The following SLC35F1 variants were observed in gnomAD, a reference collection of about 807,000 sequenced individuals.
The protein encoded by SLC35F1 is solute carrier family 35 member F1, also known as chromosome 6 open reading frame 169.
In SLC35F1, 14 loss-of-function variants were observed where a neutral mutation model predicts 48.7. That is an observed-to-expected ratio of 0.29 (90% CI 0.19 to 0.45). The LOEUF is 0.45. Ranked by LOEUF, SLC35F1 falls within the 20% of genes least tolerant of loss-of-function variation. SLC35F1 has a pLI of 1.00. For missense variants in SLC35F1, 404 were observed against 500.0 expected (o/e 0.81, Z 1.83); for synonymous variants, 190 against 202.2 (o/e 0.94, Z 0.51).
chr6:118,012,652 T>C (rs1777265586), intron 1 of SLC35F1, among the ~76,000 whole-genome samples: 2 of 152,210 alleles, frequency 1.3e-5, no homozygotes, highest in Non-Finnish European at 1.5e-5. Context: ...TGTAATTCAA[T>C]GAGAATGGTG....
At chr6:118,289,505 T>C (rs1048731372) in intron 7 of SLC35F1, among the ~76,000 whole-genome samples, 1 of 152,248 alleles carries the variant, frequency 6.6e-6, no homozygotes, top group Non-Finnish European at 1.5e-5. Flanking sequence ...AGATAAGTGC[T>C]CTTGTACATT....
chr6:118,210,369 C>A (rs754627536), intron 2 of SLC35F1, among the ~76,000 whole-genome samples: 6 of 152,134 alleles, frequency 3.9e-5, no homozygotes, highest in Non-Finnish European at 8.8e-5. Flanking sequence ...TATGGAAAGT[C>A]TTGTTTGGAG....
chr6:118,307,112 T>C (rs987530399), intron 7 of SLC35F1, among the ~76,000 whole-genome samples: 3 of 149,914 alleles, frequency 2.0e-5, no homozygotes, highest in African/African-American at 4.9e-5. Flanking sequence ...AACACAATGC[T>C]TGGAGAATAA....
intron 1 of SLC35F1, 32 bp from the exon 2 acceptor site, chr6:118,154,413 C>G: frequency 6.3e-7 from 1 of 1,582,744 alleles, no homozygotes; most frequent in Non-Finnish European, 8.6e-7. Context: ...TCCTGCTGAC[C>G]TTTGCTGTGT....
intron 1 of SLC35F1, among the ~76,000 whole-genome samples, chr6:118,108,399 G>A (rs1452805769): frequency 6.6e-6 from 1 of 152,042 alleles, no homozygotes; most frequent in East Asian, 1.9e-4. Flanking sequence ...GAGTCACTGT[G>A]GATTTTTAAA....
At chr6:117,923,274 C>G (rs1775925683) in intron 1 of SLC35F1, among the ~76,000 whole-genome samples, 2 of 152,062 alleles carry the variant, frequency 1.3e-5, no homozygotes, top group Admixed American at 1.3e-4. Context: ...TACAGCCCAG[C>G]CATTTCAGCA....
At chr6:118,016,145 A>C (rs1777318203) in intron 1 of SLC35F1, among the ~76,000 whole-genome samples, 1 of 152,208 alleles carries the variant, frequency 6.6e-6, no homozygotes, top group Non-Finnish European at 1.5e-5. Context: ...TTGAGAATTC[A>C]GCTCAACCTT....
intron 7 of SLC35F1, among the ~76,000 whole-genome samples, chr6:118,288,692 G>T (rs1776080955): frequency 6.6e-6 from 1 of 152,112 alleles, no homozygotes; most frequent in South Asian, 2.1e-4. Flanking sequence ...AGGAAGGAGG[G>T]TACAGTGAGG....
intron 1 of SLC35F1, among the ~76,000 whole-genome samples, chr6:118,111,488 T>C (rs1451706670): frequency 1.3e-5 from 2 of 152,180 alleles, no homozygotes; most frequent in African/African-American, 4.8e-5. Context: ...TAAAATTCTA[T>C]ATCCAGTGAA....
chr6:118,235,233 A>C (rs1775346877), intron 2 of SLC35F1, among the ~76,000 whole-genome samples: 1 of 151,976 alleles, frequency 6.6e-6, no homozygotes, highest in Admixed American at 6.6e-5. Context: ...GTTATCCTTC[A>C]TTTATTCACA....
At chr6:118,160,407 CTA>C (rs1283970601) in intron 2 of SLC35F1, among the ~76,000 whole-genome samples, 3 of 152,112 alleles carry the variant, frequency 2.0e-5, no homozygotes, top group African/African-American at 7.2e-5. Flanking sequence ...ATACATGAAA[CTA>C]TTTATTGAAT....
intron 1 of SLC35F1, among the ~76,000 whole-genome samples, chr6:118,043,932 G>A (rs1772263908): frequency 1.3e-5 from 2 of 152,164 alleles, no homozygotes; most frequent in Non-Finnish European, 2.9e-5. Context: ...TGTCTGTACA[G>A]GATGTGACCT....
intron 1 of SLC35F1, among the ~76,000 whole-genome samples, chr6:117,962,812 A>G (rs1776516047): frequency 6.6e-6 from 1 of 152,050 alleles, no homozygotes; most frequent in South Asian, 2.1e-4. Context: ...TCAGCTAGGC[A>G]CTCTTTAATT....
chr6:118,170,769 A>C (rs561577661), intron 2 of SLC35F1, among the ~76,000 whole-genome samples: 1 of 152,020 alleles, frequency 6.6e-6, no homozygotes, highest in Non-Finnish European at 1.5e-5. Context: ...TTAATCTTTT[A>C]AATTACCCAA....
At chr6:118,254,987 C>T (rs1031559628) in intron 3 of SLC35F1, among the ~76,000 whole-genome samples, 2 of 152,146 alleles carry the variant, frequency 1.3e-5, no homozygotes, top group African/African-American at 4.8e-5. Flanking sequence ...CAGAGGAACA[C>T]CCCCAACCAG....
intron 2 of SLC35F1, among the ~76,000 whole-genome samples, chr6:118,184,589 A>G (rs205939): frequency 0.12 from 18,845 of 152,172 alleles, 3,266 homozygotes; most frequent in African/African-American, 0.39. Context: ...GTCTTTCAAC[A>G]TCAGGATATA....
chr6:118,262,938 T>TA (rs953327150), intron 3 of SLC35F1, among the ~76,000 whole-genome samples: 18 of 151,602 alleles, frequency 1.2e-4, no homozygotes, highest in African/African-American at 3.6e-4. Flanking sequence ...AAAATGAATT[T>TA]AAAAAAAAAC....
At chr6:118,200,068 AT>A (rs1554235809) in intron 2 of SLC35F1, among the ~76,000 whole-genome samples, 2 of 152,124 alleles carry the variant, frequency 1.3e-5, no homozygotes, top group Non-Finnish European at 2.9e-5. Context: ...CTTTTGATAC[AT>A]AGTACCAAAT....
At chr6:117,932,399 G>C (rs1166643979) in intron 1 of SLC35F1, among the ~76,000 whole-genome samples, 2 of 152,186 alleles carry the variant, frequency 1.3e-5, no homozygotes, top group African/African-American at 4.8e-5. Context: ...AACAGATCAA[G>C]TAGTAGAGCT....
Sources: gnomAD v4.1 joint callset for allele counts (sites outside exome capture counted in the v4.1 genomes callset) on GRCh38, gnomAD v4.1.1 for gene constraint, MANE v1.5 for transcripts, NCBI Gene and HGNC (gene_info 2026-07-23, HGNC 2026-07-21) for gene names.